CCDC171: variants seen among roughly 807,000 people sequenced by gnomAD.
CCDC171 encodes the protein coiled-coil domain-containing protein 171.
In CCDC171, 177 loss-of-function variants were observed where a neutral mutation model predicts 168.2. The ratio of observed to expected loss-of-function variants is 1.05; its 90% CI spans 0.93 to 1.19. The LOEUF (loss-of-function observed/expected upper bound fraction) is 1.19, where lower values mean the gene tolerates loss of function less well. Ranked by LOEUF, CCDC171 falls within the 50% of genes most tolerant of loss-of-function variation. The pLI is 0.00. For synonymous variants in CCDC171, 687 were observed against 540.8 expected (o/e 1.27, Z -3.75); for missense variants, 1,991 against 1,539.0 (o/e 1.29, Z -4.91).
intron 7 of CCDC171, among the ~76,000 whole-genome samples, chr9:15,653,809 G>T (rs563195936): frequency 1.3e-5 from 2 of 151,908 alleles, no homozygotes; most frequent in Admixed American, 1.3e-4. Flanking sequence ...TAGAGATGCA[G>T]TTTTTCTCTG....
intron 23 of CCDC171, among the ~76,000 whole-genome samples, chr9:15,863,891 T>C (rs1356991215): frequency 7.9e-6 from 1 of 127,034 alleles, no homozygotes; most frequent in Non-Finnish European, 1.8e-5. Flanking sequence ...CTGCTTGCTC[T>C]AGTTGTTGTT....
At chr9:15,554,709 C>G (rs952596538) in intron 1 of CCDC171, among the ~76,000 whole-genome samples, 1 of 152,172 alleles carries the variant, frequency 6.6e-6, no homozygotes, top group Non-Finnish European at 1.5e-5. Flanking sequence ...CTGAGAAACA[C>G]TTCCAACACA....
rs760190620 is a variant in CCDC171, at chr9:15,571,625, T to A, written c.43T>A (p.Leu15Met). ...TTTTACTGTAATCTCATTTTAAAGG[T>A]TGAAGATTGCCTCATTGGATGTAAA... ...TSSNTGDTQR[L>M]KIASLDVKQI... The change falls in exon 3 of 26, where the codon TTG becomes ATG. Residue 15 changes from leucine (L) to methionine (M), a missense_variant and splice_region_variant. Leu to Met is a conservative substitution (Grantham distance 15). Transcript: ENST00000380701. 1 of 1,548,412 alleles carries A rather than the reference T, an allele frequency of 6.5e-7. No individual in the cohort carries two copies.
chr9:16,076,554 A>G, the CCDC171 span, among the ~76,000 whole-genome samples: 6 of 152,144 alleles, frequency 3.9e-5, no homozygotes, highest in African/African-American at 7.2e-5. Context: ...TTAGGGTCCC[A>G]TATCCCTAGG....
At chr9:15,711,627 A>G (rs954030624) in intron 11 of CCDC171, among the ~76,000 whole-genome samples, 11 of 152,234 alleles carry the variant, frequency 7.2e-5, no homozygotes, top group African/African-American at 2.2e-4. Flanking sequence ...CAGAACCACT[A>G]TAGTATTTTT....
At chr9:15,793,984 T>TC (rs1322309997) in intron 21 of CCDC171, among the ~76,000 whole-genome samples, 1 of 152,084 alleles carries the variant, frequency 6.6e-6, no homozygotes, top group Non-Finnish European at 1.5e-5. Context: ...GGTTTTTTTT[T>TC]CTCCTGCTTT....
intron 18 of CCDC171, among the ~76,000 whole-genome samples, chr9:15,769,883 A>G (rs2056924056): frequency 6.6e-6 from 1 of 152,244 alleles, no homozygotes; most frequent in Admixed American, 6.5e-5. Context: ...GAACTCCTTC[A>G]AAAGAGTTAC....
the CCDC171 span, among the ~76,000 whole-genome samples, chr9:16,091,975 T>C: frequency 6.6e-6 from 1 of 152,218 alleles, no homozygotes; most frequent in Non-Finnish European, 1.5e-5. Context: ...CTCAGCTTGT[T>C]CCTCACTGAG....
At chr9:15,983,564 T>A (rs1056100112) in intron 3 of CCDC171, among the ~76,000 whole-genome samples, 1 of 148,760 alleles carries the variant, frequency 6.7e-6, no homozygotes, top group Non-Finnish European at 1.5e-5. Context: ...AAGTGGCTAG[T>A]AGGTTCTTAG....
At chr9:15,997,862 T>G (rs550822244) in intron 3 of CCDC171, among the ~76,000 whole-genome samples, 45 of 152,276 alleles carry the variant, frequency 3.0e-4, no homozygotes, top group Non-Finnish European at 5.1e-4. Flanking sequence ...ACACGTATCC[T>G]TCCCTTGCAT....
At chr9:15,809,684 G>A (rs1229578979) in intron 21 of CCDC171, among the ~76,000 whole-genome samples, 1 of 152,202 alleles carries the variant, frequency 6.6e-6, no homozygotes, top group Non-Finnish European at 1.5e-5. Flanking sequence ...CCTCAGGAGT[G>A]AAGCTGCAGA....
downstream of CCDC171, among the ~76,000 whole-genome samples, chr9:16,064,682 A>G (rs1270811852): frequency 6.6e-6 from 1 of 152,184 alleles, no homozygotes; most frequent in Non-Finnish European, 1.5e-5. Flanking sequence ...GCGCTACCTG[A>G]TCCACCATTA....
chr9:15,623,476 C>CACACACACAG, intron 7 of CCDC171, 63 bp downstream of exon 7: 1 of 344,282 alleles, frequency 2.9e-6, no homozygotes, highest in Non-Finnish European at 4.5e-6. Context: ...CGCGCGCGCG[C>CACACACACAG]ACACACACAC....
intron 24 of CCDC171, among the ~76,000 whole-genome samples, chr9:15,889,898 A>T (rs1819961568): frequency 6.6e-6 from 1 of 152,184 alleles, no homozygotes; most frequent in African/African-American, 2.4e-5. Context: ...GGTGGTTCGT[A>T]TCCTGGATTC....
chr9:15,902,707 C>G (rs1026235178), intron 24 of CCDC171, among the ~76,000 whole-genome samples: 5 of 152,160 alleles, frequency 3.3e-5, no homozygotes, highest in Admixed American at 6.5e-5. Flanking sequence ...GTGCAGCGCA[C>G]CGAGCATGAG....
At chr9:15,592,004 C>T (rs553871670) in intron 5 of CCDC171, among the ~76,000 whole-genome samples, 1 of 152,138 alleles carries the variant, frequency 6.6e-6, no homozygotes, top group East Asian at 1.9e-4. Context: ...TATTTAACTT[C>T]TCCTAAAATT....
intron 21 of CCDC171, among the ~76,000 whole-genome samples, chr9:15,796,680 C>G (rs996216720): frequency 6.6e-6 from 1 of 152,148 alleles, no homozygotes; most frequent in African/African-American, 2.4e-5. Context: ...CAAGATGGGC[C>G]AAGTCAGACC....
chr9:15,724,916 G>A lies in CCDC171; in HGVS notation c.1632G>A (p.Gln544=). Residue 544 remains glutamine, a synonymous_variant, in exon 14 of 26, where the codon CAG becomes CAA. Coordinates refer to ENST00000380701, the MANE Select transcript of CCDC171 (RefSeq NM_173550.4). The part of the protein sequence containing the change: ...VLHCWEKEKA[Q]AAQSESELQK... ...ACTGTTGGGAGAAAGAAAAGGCTCAGGCAGCCCAGTCTGAAAGTGAACTGC... is the reference window on the plus strand; with the variant it reads ...ACTGTTGGGAGAAAGAAAAGGCTCAAGCAGCCCAGTCTGAAAGTGAACTGC... 1 of 1,613,954 alleles carries A rather than the reference G, an allele frequency of 6.2e-7. No homozygotes were observed. The highest frequency in any genetic ancestry group is 8.5e-7 in the Non-Finnish European group (1 of 1,179,906).
At chr9:15,966,094 A>C (rs567323928) in intron 25 of CCDC171, among the ~76,000 whole-genome samples, 43 of 152,334 alleles carry the variant, frequency 2.8e-4, no homozygotes, top group African/African-American at 9.4e-4. Context: ...CTAAGTGCTC[A>C]TAGTTTTATA....
Sources: allele counts gnomAD v4.1 joint callset (sites outside exome capture counted in the v4.1 genomes callset), GRCh38; gene constraint gnomAD v4.1.1; transcripts MANE v1.5; gene names NCBI Gene and HGNC (gene_info 2026-07-23, HGNC 2026-07-21).